HRH1: variants seen among roughly 807,000 people sequenced by gnomAD.
HRH1 encodes the protein histamine receptor H1.
Under a neutral mutation model 10.3 loss-of-function variants are expected in HRH1, and 6 were observed. That is an observed-to-expected ratio of 0.58 (90% confidence interval 0.32 to 1.15). HRH1 has a LOEUF of 1.15. Among genes scored for constraint, HRH1 ranks in the 50% most tolerant of loss-of-function variants. The pLI, the probability that HRH1 is intolerant of heterozygous loss-of-function variation, is 0.05. For synonymous variants in HRH1, 242 were observed against 236.7 expected (o/e 1.02, Z -0.21); for missense variants, 514 against 615.3 (o/e 0.84, Z 1.74).
At position 11,260,592 on chromosome 3, in the gene HRH1, C is replaced by T; in HGVS notation, c.*91C>T. On this transcript the variant is annotated 3_prime_UTR_variant, in exon 2 of 2. Coordinates refer to ENST00000431010, the MANE Select transcript of HRH1 (RefSeq NM_001098212.2). ...GGCCTGTGTGTTGCCAGGCAGGCAC[C>T]TGGGCTTTCTGGAATCCAAACCACA... 3 of 1,225,982 alleles carry T rather than the reference C, an allele frequency of 2.4e-6. No homozygotes were observed. Among genetic ancestry groups the T allele is most frequent in the Non-Finnish European group, 3.5e-6 (3 of 869,220 alleles). The allele number at this position is 1,225,982 out of a possible 1,614,324, so 75.9% of individuals were successfully genotyped here.
intron 1 of HRH1, among the ~76,000 whole-genome samples, chr3:11,225,574 TCTTGG>T (rs1482330708): frequency 6.6e-6 from 1 of 152,224 alleles, no homozygotes; most frequent in African/African-American, 2.4e-5. Flanking sequence ...CCTCCCCACT[TCTTGG>T]CTCTGAGGAC....
intron 1 of HRH1, among the ~76,000 whole-genome samples, chr3:11,181,671 G>A (rs1389127521): frequency 7.7e-6 from 1 of 129,366 alleles, no homozygotes; most frequent in African/African-American, 3.1e-5. Flanking sequence ...TCGCTCCGTC[G>A]CCCAGGCTGG....
chr3:11,142,139 C>G (rs1936303217), intron 1 of HRH1, among the ~76,000 whole-genome samples: 1 of 152,184 alleles, frequency 6.6e-6, no homozygotes, highest in African/African-American at 2.4e-5. Flanking sequence ...CTCTTTCTAC[C>G]CTGGCATATG....
At position 11,261,096 on chromosome 3, in the gene HRH1, C is replaced by T. The variant is rs1265038793; in HGVS notation, c.*595C>T. Reference sequence around the variant, plus strand: ...TCTTCTGAGCCTCTTTAACAGCTTTCTCCAGAACCAGTGTCTGAACCACCC... The same window carrying T: ...TCTTCTGAGCCTCTTTAACAGCTTTTTCCAGAACCAGTGTCTGAACCACCC... On this transcript the variant is annotated 3_prime_UTR_variant, in exon 2 of 2. Transcript: ENST00000431010. 8.4e-5 allele frequency: 14 copies of T among 167,140 alleles called. No homozygotes were observed. The Admixed American group carries it at 9.2e-4, about 11-fold the overall frequency. 10.4% of individuals were successfully genotyped at this position (167,140 alleles called of 1,614,324 possible).
intron 1 of HRH1, among the ~76,000 whole-genome samples, chr3:11,229,148 CT>C (rs1445253271): frequency 6.6e-6 from 1 of 152,136 alleles, no homozygotes; most frequent in East Asian, 1.9e-4. Flanking sequence ...ACCTTTCCAC[CT>C]TTCCTTTGTC....
chr3:11,237,127 G>T (rs1168504566), intron 1 of HRH1, among the ~76,000 whole-genome samples: 3 of 152,172 alleles, frequency 2.0e-5, no homozygotes, highest in Non-Finnish European at 1.5e-5. Flanking sequence ...GCTGGGTGTG[G>T]TGGTGTAATC....
At chr3:11,257,575 A>AG (rs200944652) in intron 1 of HRH1, among the ~76,000 whole-genome samples, 1 of 151,954 alleles carries the variant, frequency 6.6e-6, no homozygotes, top group African/African-American at 2.4e-5. Flanking sequence ...AAAAAAAAAA[A>AG]TCTTAAAAAC....
chr3:11,187,759 GTGT>G (rs1439587669), intron 1 of HRH1, among the ~76,000 whole-genome samples: 1 of 152,166 alleles, frequency 6.6e-6, no homozygotes, highest in African/African-American at 2.4e-5. Context: ...TTGTATTTTT[GTGT>G]TGTTGTAAAC....
chr3:11,217,094 C>T (rs1331563563), intron 1 of HRH1, among the ~76,000 whole-genome samples: 1 of 147,672 alleles, frequency 6.8e-6, no homozygotes, highest in Non-Finnish European at 1.5e-5. Flanking sequence ...GCTGAGGCAG[C>T]AGAATTGCTT....
intron 1 of HRH1, among the ~76,000 whole-genome samples, chr3:11,143,804 C>T (rs556372516): frequency 6.6e-6 from 1 of 152,304 alleles, no homozygotes; most frequent in African/African-American, 2.4e-5. Context: ...AGGGTTTGCT[C>T]GTGCTGTTCT....
At position 11,242,837 on chromosome 3, in the gene HRH1, T is replaced by C. The variant is rs545186413; in HGVS notation, c.-35-16166T>C. Among the ~76,000 whole-genome samples, 7 of 152,356 alleles carry C rather than the reference T, an allele frequency of 4.6e-5. No individual in the cohort carries two copies. In the East Asian group the frequency reaches 1.3e-3, roughly 29 times the overall value. ...AAACTTCTTTAAGTCTGAACTTCTT[T>C]TGAAAATTATGCTTACACTTTCTGC... On this transcript the variant is annotated intron_variant, in intron 1 of 1. Coordinates refer to ENST00000431010, the MANE Select transcript of HRH1 (RefSeq NM_001098212.2).
At chr3:11,183,734 T>A (rs1937400476) in intron 1 of HRH1, among the ~76,000 whole-genome samples, 1 of 151,934 alleles carries the variant, frequency 6.6e-6, no homozygotes, top group Non-Finnish European at 1.5e-5. Flanking sequence ...TTTTTTTTTT[T>A]TAAGAAGGAG....
chr3:11,143,629 C>A (rs1411650569), intron 1 of HRH1, among the ~76,000 whole-genome samples: 1 of 152,206 alleles, frequency 6.6e-6, no homozygotes, highest in Admixed American at 6.5e-5. Flanking sequence ...CCTGGTCTAA[C>A]CCCTCCAGTC....
upstream of HRH1, among the ~76,000 whole-genome samples, chr3:11,152,618 C>T (rs2125002855): frequency 6.9e-6 from 1 of 144,630 alleles, no homozygotes; most frequent in East Asian, 2.1e-4. Context: ...CCCGCCCTGC[C>T]CCCATCCCCC....
At chr3:11,229,853 A>G (rs1167768759) in intron 1 of HRH1, among the ~76,000 whole-genome samples, 4 of 152,264 alleles carry the variant, frequency 2.6e-5, no homozygotes, top group African/African-American at 9.6e-5. Context: ...TTAAATACAT[A>G]TATAAAGTAA....
At chr3:11,181,340 A>G (rs1263235615) in intron 1 of HRH1, among the ~76,000 whole-genome samples, 1 of 152,206 alleles carries the variant, frequency 6.6e-6, no homozygotes, top group East Asian at 1.9e-4. Context: ...TCATGTATAT[A>G]TAATGTAGGA....
upstream of HRH1, among the ~76,000 whole-genome samples, chr3:11,153,485 C>T (rs2125003730): frequency 2.0e-5 from 3 of 152,172 alleles, 1 homozygote; most frequent in South Asian, 6.2e-4. Flanking sequence ...CTAAAATACC[C>T]CTCTGACCCC....
chr3:11,227,432 G>A (rs750422749), intron 1 of HRH1, among the ~76,000 whole-genome samples: 4 of 151,822 alleles, frequency 2.6e-5, no homozygotes, highest in Admixed American at 6.6e-5. Context: ...GATTACAGGC[G>A]CCCGCCACCA....
chr3:11,233,008 G>A (rs962772318), intron 1 of HRH1, among the ~76,000 whole-genome samples: 3 of 152,138 alleles, frequency 2.0e-5, no homozygotes, highest in Non-Finnish European at 4.4e-5. Flanking sequence ...TTATGGTAAG[G>A]TGTTTTTCTC....
Sources: allele counts gnomAD v4.1 joint callset (sites outside exome capture counted in the v4.1 genomes callset), GRCh38; gene constraint gnomAD v4.1.1; transcripts MANE v1.5; gene names NCBI Gene and HGNC (gene_info 2026-07-23, HGNC 2026-07-21).